FREM2: variants seen among roughly 807,000 people sequenced by gnomAD.
FREM2 encodes FRAS1-related extracellular matrix protein 2.
FREM2 carries 119 observed loss-of-function variants against 219.9 expected under a neutral mutation model. The observed-to-expected ratio is 0.54, with a 90% CI of 0.47 to 0.63. The LOEUF is 0.63. FREM2 is among the 30% of genes least tolerant of loss of function. The pLI is 0.00. For missense variants in FREM2, 4,030 were observed against 3,993.6 expected (o/e 1.01, Z -0.25); for synonymous variants, 1,562 against 1,522.8 (o/e 1.03, Z -0.60).
At chr13:38,837,626 T>C (rs1019375000) in intron 6 of FREM2, among the ~76,000 whole-genome samples, 1 of 152,218 alleles carries the variant, frequency 6.6e-6, no homozygotes, top group African/African-American at 2.4e-5. Context: ...AGTGCTCCTG[T>C]ATTGAGTGCA....
rs1566129727 is a variant in FREM2 at position 38,754,897 on chromosome 13, TGA to T, written c.5264-9406_5264-9405del. On this transcript the variant is annotated intron_variant, in intron 2 of 23. Coordinates refer to ENST00000280481, the MANE Select transcript of FREM2 (RefSeq NM_207361.6). ...ATGATGATGATGATGATGATGATGA[TGA>T]TGATTATTATTATTATTATTAGAGA... Among the ~76,000 whole-genome samples, 70 of 138,824 alleles carry T rather than the reference TGA, an allele frequency of 5.0e-4. No homozygotes were observed. In the East Asian group the frequency reaches 6.7e-3, roughly 13 times the overall value. 91.1% of individuals were successfully genotyped at this position (138,824 alleles called of 152,430 possible). A position where few individuals can be genotyped will look rare whatever the true frequency, so the allele number is the denominator to read the frequency against.
At chr13:38,745,810 C>G (rs1238259984) in intron 2 of FREM2, among the ~76,000 whole-genome samples, 4 of 152,148 alleles carry the variant, frequency 2.6e-5, no homozygotes, top group Admixed American at 1.3e-4. Context: ...GGGTAATTAT[C>G]ACTATTCTGC....
At chr13:38,738,875 C>T (rs1872116082) in intron 2 of FREM2, among the ~76,000 whole-genome samples, 2 of 152,136 alleles carry the variant, frequency 1.3e-5, no homozygotes, top group African/African-American at 4.8e-5. Flanking sequence ...TAGTGTCACA[C>T]TGTTAAGATA....
intron 2 of FREM2, among the ~76,000 whole-genome samples, chr13:38,747,497 TACACACAC>T (rs35415652): frequency 6.8e-6 from 1 of 146,554 alleles, no homozygotes; most frequent in Non-Finnish European, 1.5e-5. Flanking sequence ...TATACACAAA[TACACACAC>T]ACACACACAC....
chr13:38,738,242 G>A (rs1303385176), intron 2 of FREM2, among the ~76,000 whole-genome samples: 7 of 152,094 alleles, frequency 4.6e-5, no homozygotes, highest in South Asian at 2.1e-4. Context: ...AGGTGCTGGC[G>A]AGACATCTAG....
At chr13:38,848,422 A>G (rs1877241345) in intron 7 of FREM2, 39 bp from the exon 8 acceptor site, 1 of 1,396,848 alleles carries the variant, frequency 7.2e-7, no homozygotes, top group African/African-American at 1.4e-5. Flanking sequence ...TTGAAATTTA[A>G]TTAGTCCCCA....
intron 6 of FREM2, among the ~76,000 whole-genome samples, chr13:38,815,168 C>G (rs1875715344): frequency 1.3e-5 from 2 of 152,102 alleles, no homozygotes; most frequent in Non-Finnish European, 2.9e-5. Flanking sequence ...AATGGTATAG[C>G]CTTCTATTCC....
At position 38,687,438 on chromosome 13, in the gene FREM2, C is replaced by CTGT; in HGVS notation, c.96_97insTTG (p.Leu38dup). On this transcript the variant is annotated inframe_insertion, in exon 1 of 24. Coordinates refer to ENST00000280481, the MANE Select transcript of FREM2 (RefSeq NM_207361.6). ...ACCGCCACCGCCGCCCCGGCTGCTGCTGCTGCTGCTGCTTCTCCTGTCACT... is the reference window on the plus strand; with the variant it reads ...ACCGCCACCGCCGCCCCGGCTGCTGCTGTTGCTGCTGCTGCTTCTCCTGTCACT... 1 of 1,596,168 alleles carries CTGT rather than the reference C, an allele frequency of 6.3e-7. No homozygotes were observed. Among genetic ancestry groups the CTGT allele is most frequent in the Non-Finnish European group, 8.5e-7 (1 of 1,172,022 alleles).
intron 2 of FREM2, among the ~76,000 whole-genome samples, chr13:38,699,730 A>G (rs1870265471): frequency 6.6e-6 from 1 of 152,166 alleles, no homozygotes; most frequent in South Asian, 2.1e-4. Context: ...CTTTGACAGA[A>G]TAAACACAGA....
chr13:38,872,995 GA>G, intron 17 of FREM2, 61 bp downstream of exon 17: 1 of 1,493,418 alleles, frequency 6.7e-7, no homozygotes, highest in Non-Finnish European at 9.3e-7. Flanking sequence ...TATTTAAGAC[GA>G]TTTTTTTTTG....
intron 2 of FREM2, among the ~76,000 whole-genome samples, chr13:38,754,882 TG>T (rs1872919960): frequency 1.1e-5 from 1 of 92,650 alleles, no homozygotes; most frequent in Non-Finnish European, 2.3e-5. Context: ...ATGATGATGA[TG>T]ATGATGATGA....
At chr13:38,864,677 A>T (rs1442746017) in intron 16 of FREM2, 71 bp downstream of exon 16, 2 of 1,352,634 alleles carry the variant, frequency 1.5e-6, no homozygotes, top group Non-Finnish European at 2.1e-6. Flanking sequence ...ATAGATTTGT[A>T]CTAAGTCCCA....
Position 38,769,681 on chromosome 13 carries a change from A to G in FREM2, c.5514A>G (p.Arg1838=). Residue 1838 remains arginine (R), a synonymous_variant, in exon 4 of 24, where the codon CGA becomes CGG. Transcript: ENST00000280481. ...FNPGQTRATW[R]VRILSDGEHE... ...CAGGCCAGACCAGGGCCACATGGCG[A>G]GTGCGGATCCTGAGTGATGGGGAGC... The G allele has an allele frequency of 6.2e-7, 1 of 1,614,160 alleles. No homozygotes were observed. Among genetic ancestry groups the G allele is most frequent in the Non-Finnish European group, 8.5e-7 (1 of 1,179,984 alleles).
chr13:38,790,832 G>A (rs371411774), intron 6 of FREM2, among the ~76,000 whole-genome samples: 14 of 152,228 alleles, frequency 9.2e-5, no homozygotes, highest in East Asian at 5.8e-4. Flanking sequence ...TGCAAATCCC[G>A]TTTTTCTTTT....
At chr13:38,878,040 ATC>A in intron 21 of FREM2, 92 bp from the exon 22 acceptor site, 2 of 1,075,556 alleles carry the variant, frequency 1.9e-6, no homozygotes, top group Middle Eastern at 2.3e-4. Flanking sequence ...CAAGGAAATA[ATC>A]TCTGTGTCCT....
chr13:38,856,508 C>T (rs1407258978), intron 12 of FREM2, among the ~76,000 whole-genome samples: 1 of 152,134 alleles, frequency 6.6e-6, no homozygotes, highest in Non-Finnish European at 1.5e-5. Context: ...AGCCCCAAAC[C>T]TGTGCACTTC....
rs775725488 is a variant in FREM2, at chr13:38,692,439, A to T, written c.5095A>T (p.Ile1699Phe). Residue 1699 changes from isoleucine (I) to phenylalanine (F), a missense_variant, in exon 1 of 24, where the codon ATC becomes TTC. By Grantham distance (21) the Ile-to-Phe change is conservative (BLOSUM62 0). Coordinates refer to ENST00000280481, the MANE Select transcript of FREM2 (RefSeq NM_207361.6). ...RDSLHISLRF[I>F]VTEAPQHGYL... ...CAGCTTACACATTTCTCTTAGATTT[A>T]TCGTGACAGAGGCCCCTCAACATGG... is the stretch of plus-strand genomic sequence containing the variant. 1.2e-6 allele frequency: 2 copies of T among 1,613,960 alleles called. No homozygotes were observed. Among genetic ancestry groups the T allele is most frequent in the South Asian group, 2.2e-5 (2 of 91,076 alleles).
rs76488351 is a variant in FREM2, at chr13:38,801,354, G to A, written c.6019+16546G>A. 7.4e-3 allele frequency among the ~76,000 whole-genome samples: 1,120 copies of A among 152,202 alleles called. 17 individuals carry two copies. The highest frequency in any genetic ancestry group is 0.025 in the African/African-American group (1,055 of 41,508). ...TTTTGTGAATTTCCTTTTGATAGAG[G>A]TCTGTTGTTGGAGAATTATCATGCT... On this transcript the variant is annotated intron_variant, in intron 6 of 23. Coordinates refer to ENST00000280481, the MANE Select transcript of FREM2 (RefSeq NM_207361.6).
At chr13:38,857,732 T>G (rs1877613081) in intron 12 of FREM2, 143 bp from the exon 13 acceptor site, 6 of 714,414 alleles carry the variant, frequency 8.4e-6, no homozygotes, top group Non-Finnish European at 1.5e-5. Context: ...TAGGGCCTGT[T>G]GCTCTCCAGG....
Sources: allele counts gnomAD v4.1 joint callset (sites outside exome capture counted in the v4.1 genomes callset), GRCh38; gene constraint gnomAD v4.1.1; transcripts MANE v1.5; gene names NCBI Gene and HGNC (gene_info 2026-07-23, HGNC 2026-07-21).